Variants in NAV3 observed in about 807,000 individuals in gnomAD.
The protein encoded by NAV3 is neuron navigator 3.
Under a neutral mutation model 244.7 loss-of-function variants are expected in NAV3, and 87 were observed. The observed-to-expected ratio is 0.36, with a 90% CI of 0.30 to 0.42. NAV3 has a LOEUF of 0.42. Among genes scored for constraint, NAV3 ranks in the 20% least tolerant of loss-of-function variants. NAV3 has a pLI of 1.00. For synonymous variants in NAV3, 1,126 were observed against 1,042.2 expected (o/e 1.08, Z -1.55); for missense variants, 2,663 against 2,893.3 (o/e 0.92, Z 1.83).
At chr12:77,841,664 T>G (rs1434500353) in intron 1 of NAV3, among the ~76,000 whole-genome samples, 1 of 152,192 alleles carries the variant, frequency 6.6e-6, no homozygotes, top group East Asian at 1.9e-4. Context: ...GCTTTTATCC[T>G]ATAATGGCAG....
chr12:77,622,259 A>G (rs1427533628), intron 2 of NAV3, among the ~76,000 whole-genome samples: 2 of 152,042 alleles, frequency 1.3e-5, no homozygotes. Context: ...TCCTGGGTTC[A>G]TGCCGTTCTC....
chr12:77,718,360 C>T (rs1210897341), intron 2 of NAV3, among the ~76,000 whole-genome samples: 1 of 152,082 alleles, frequency 6.6e-6, no homozygotes, highest in Non-Finnish European at 1.5e-5. Flanking sequence ...GCCTTGAGAC[C>T]CTTGTCAAAG....
At chr12:77,860,515 A>C (rs1879110205) in intron 1 of NAV3, among the ~76,000 whole-genome samples, 1 of 151,766 alleles carries the variant, frequency 6.6e-6, no homozygotes. Context: ...GGTTTAAATA[A>C]TAACTGTTAC....
intron 2 of NAV3, among the ~76,000 whole-genome samples, chr12:77,810,200 C>A (rs1329588400): frequency 5.3e-5 from 8 of 152,174 alleles, no homozygotes; most frequent in Admixed American, 2.6e-4. Flanking sequence ...GAGACGGAGT[C>A]TCGCTCTGTC....
intron 23 of NAV3, among the ~76,000 whole-genome samples, chr12:78,160,350 G>A (rs1469714557): frequency 6.8e-6 from 1 of 147,432 alleles, no homozygotes; most frequent in African/African-American, 2.5e-5. Flanking sequence ...AGGTATCAGA[G>A]ATAGGTGAAA....
At chr12:77,953,204 G>A (rs1891059481) in intron 3 of NAV3, among the ~76,000 whole-genome samples, 1 of 151,948 alleles carries the variant, frequency 6.6e-6, no homozygotes, top group South Asian at 2.1e-4. Flanking sequence ...AGAATAGCAG[G>A]GTTTTGAACA....
chr12:77,909,468 A>C (rs1320241889), intron 1 of NAV3, among the ~76,000 whole-genome samples: 1 of 152,066 alleles, frequency 6.6e-6, no homozygotes, highest in Non-Finnish European at 1.5e-5. Context: ...GAAAAGAAAC[A>C]GTATGTTATT....
chr12:77,903,653 T>C lies in NAV3; in HGVS notation c.244-36666T>C, dbSNP rs565529277. On this transcript the variant is annotated intron_variant, in intron 1 of 39. Coordinates refer to ENST00000397909, the MANE Select transcript of NAV3 (RefSeq NM_001024383.2). Reference sequence around the variant, plus strand: ...GCCAAAATTGACAAATGGGACCTAATTAAACTAAAGAGCTTCTGCACAGCA... The same window carrying C: ...GCCAAAATTGACAAATGGGACCTAACTAAACTAAAGAGCTTCTGCACAGCA... Among the ~76,000 whole-genome samples the C allele has an allele frequency of 3.8e-3, 580 of 152,232 alleles. 7 individuals carry two copies. The highest frequency in any genetic ancestry group is 0.013 in the African/African-American group (556 of 41,540).
chr12:77,991,806 G>A (rs572565143), intron 5 of NAV3, among the ~76,000 whole-genome samples: 4 of 152,278 alleles, frequency 2.6e-5, no homozygotes, highest in Non-Finnish European at 4.4e-5. Context: ...GCCGAGGTGA[G>A]CGGATCAAGA....
chr12:77,767,452 C>T (rs1869834773), intron 2 of NAV3, among the ~76,000 whole-genome samples: 1 of 152,182 alleles, frequency 6.6e-6, no homozygotes, highest in African/African-American at 2.4e-5. Flanking sequence ...GTAGTCTGCA[C>T]TTGGCTAGCA....
intron 5 of NAV3, among the ~76,000 whole-genome samples, chr12:77,984,815 G>T (rs1870186746): frequency 6.6e-6 from 1 of 151,736 alleles, no homozygotes; most frequent in South Asian, 2.1e-4. Context: ...TAAAATTATA[G>T]GTTTTTTGTT....
At chr12:78,029,850 A>G (rs972015777) in intron 9 of NAV3, among the ~76,000 whole-genome samples, 1 of 152,220 alleles carries the variant, frequency 6.6e-6, no homozygotes, top group African/African-American at 2.4e-5. Context: ...TAATTGCAAT[A>G]AAATAATTGC....
At chr12:77,843,639 A>G (rs1317471774) in intron 1 of NAV3, among the ~76,000 whole-genome samples, 1 of 152,058 alleles carries the variant, frequency 6.6e-6, no homozygotes, top group East Asian at 1.9e-4. Flanking sequence ...GAAGCCACAG[A>G]AATGATTATA....
intron 2 of NAV3, among the ~76,000 whole-genome samples, chr12:77,684,318 T>A (rs1190281879): frequency 6.6e-6 from 1 of 152,176 alleles, no homozygotes; most frequent in East Asian, 1.9e-4. Flanking sequence ...GATACAAGTA[T>A]GATTTATGTA....
intron 1 of NAV3, among the ~76,000 whole-genome samples, chr12:77,867,722 A>T (rs1880301206): frequency 6.6e-6 from 1 of 152,246 alleles, no homozygotes. Context: ...ACCTGGCCTC[A>T]GGTATGTCTT....
At chr12:78,016,359 C>T (rs1175554339) in intron 8 of NAV3, among the ~76,000 whole-genome samples, 1 of 152,008 alleles carries the variant, frequency 6.6e-6, no homozygotes, top group Non-Finnish European at 1.5e-5. Flanking sequence ...ATTCATAATA[C>T]CTCCAATTCC....
intron 1 of NAV3, among the ~76,000 whole-genome samples, chr12:77,854,571 TTGTGTGTATGTGTGTA>T (rs71088343): frequency 2.2e-5 from 2 of 91,286 alleles, no homozygotes; most frequent in Non-Finnish European, 5.4e-5. Context: ...GATAAGCCAA[TTGTGTGTATGTGTGTA>T]TGTGTGTGTG....
At chr12:77,856,262 T>C (rs1022701617) in intron 1 of NAV3, among the ~76,000 whole-genome samples, 2 of 152,216 alleles carry the variant, frequency 1.3e-5, no homozygotes, top group Non-Finnish European at 2.9e-5. Flanking sequence ...TAGAGTATTA[T>C]TATTATTTGT....
chr12:77,813,976 C>T (rs896541343), intron 2 of NAV3, among the ~76,000 whole-genome samples: 88 of 152,104 alleles, frequency 5.8e-4, no homozygotes, highest in Non-Finnish European at 1.5e-4. Context: ...AGAGTAGTGT[C>T]CCCATGTCAT....
Sources: gnomAD v4.1 joint callset for allele counts (sites outside exome capture counted in the v4.1 genomes callset) on GRCh38, gnomAD v4.1.1 for gene constraint, MANE v1.5 for transcripts, NCBI Gene and HGNC (gene_info 2026-07-23, HGNC 2026-07-21) for gene names.